Variants in PSD observed in about 807,000 individuals in gnomAD.
PSD encodes PH and SEC7 domain-containing protein 1.
PSD carries 32 observed loss-of-function variants against 91.6 expected under a neutral mutation model. The ratio of observed to expected loss-of-function variants is 0.35; its 90% confidence interval spans 0.26 to 0.47. The LOEUF (loss-of-function observed/expected upper bound fraction) is 0.47. Among genes scored for constraint, PSD ranks in the 20% least tolerant of loss-of-function variants. The probability of loss-of-function intolerance (pLI) is 1.00; values close to 1 mark genes in which losing one functional copy is unlikely to be tolerated. For synonymous variants in PSD, 532 were observed against 569.3 expected, an observed-to-expected ratio of 0.93 and a Z score of 0.93; for missense variants, 1,099 against 1,373.9, an observed-to-expected ratio of 0.80 and a Z score of 3.16.
chr10:102,408,180 G>A (rs1203119222), intron 10 of PSD, among the ~76,000 whole-genome samples: 1 of 152,200 alleles, frequency 6.6e-6, no homozygotes, highest in East Asian at 1.9e-4. Context: ...TGTGCATGTT[G>A]GGCTAAGTGT....
At chr10:102,417,149 TG>T in intron 1 of PSD, 28 bp from the exon 2 acceptor site, 1 of 652,342 alleles carries the variant, frequency 1.5e-6, no homozygotes, top group Non-Finnish European at 2.6e-6. Flanking sequence ...GAGCATGGGG[TG>T]AACTGCCAAG....
At position 102,413,812 on chromosome 10, in the gene PSD, G is replaced by A. The variant is rs1565226253; in HGVS notation, c.1510C>T (p.His504Tyr). The A allele has an allele frequency of 6.2e-7, 1 of 1,614,074 alleles. No homozygotes were observed. The highest frequency in any genetic ancestry group is 2.2e-5 in the East Asian group (1 of 44,872). ...APGREPPSPC[H>Y]SEDSLGLGAA... Reference sequence around the variant, plus strand: ...CCCAGCCCAAGGCTGTCCTCTGAGTGGCAGGGACTAGGGGGCTCCCTCCCT... The same window carrying A: ...CCCAGCCCAAGGCTGTCCTCTGAGTAGCAGGGACTAGGGGGCTCCCTCCCT... Residue 504 changes from histidine to tyrosine, a missense_variant, in exon 5 of 17, where the codon CAC (histidine) becomes TAC (tyrosine). This residue lies in a region of PSD where 631 missense variants were observed against 728.8 expected (regional missense o/e 0.87). Coordinates refer to ENST00000020673, the MANE Select transcript of PSD (RefSeq NM_002779.5).
chr10:102,413,832 C>T lies in PSD; in HGVS notation c.1490G>A (p.Arg497Lys), dbSNP rs1167394568. 1 of 1,614,124 alleles carries T rather than the reference C, an allele frequency of 6.2e-7. No individual in the cohort carries two copies. Among genetic ancestry groups the T allele is most frequent in the South Asian group, 1.1e-5 (1 of 91,082 alleles). The change falls in exon 5 of 17, where the codon AGG becomes AAG. Residue 497 changes from arginine (R) to lysine (K), a missense_variant. By Grantham distance (26) the Arg-to-Lys change is conservative. This residue lies in a region of PSD where 631 missense variants were observed against 728.8 expected (regional missense o/e 0.87). Coordinates refer to ENST00000020673, the MANE Select transcript of PSD (RefSeq NM_002779.5). ...AEARAKLAPG[R>K]EPPSPCHSED... ...TGAGTGGCAGGGACTAGGGGGCTCC[C>T]TCCCTGGGGCCAGCTTGGCTCTGGC...
rs779394652 is a variant in PSD, at chr10:102,404,607, G to A, written c.2676C>T (p.Pro892=). 2.5e-6 allele frequency: 4 copies of A among 1,610,992 alleles called. No individual in the cohort carries two copies. The highest frequency in any genetic ancestry group is 3.4e-6 in the Non-Finnish European group (4 of 1,178,422). Residue 892 remains proline (P), a synonymous_variant, in exon 15 of 17, where the codon CCC becomes CCT. Coordinates refer to ENST00000020673, the MANE Select transcript of PSD (RefSeq NM_002779.5). This position sits in a 1 kb window ranked among gnomAD's most constrained non-coding sequence, Gnocchi z 5.7. ...CCTGGGAGAGGCGGGTGGCAGCGCT[G>A]GGCAGGAGAGGGCGGCTGAACTTCT... ...SQKKFSRPLL[P]SAATRLSQEE...
In PSD at chr10:102,404,981, G is replaced by A; in HGVS notation, c.2472C>T (p.Ala824=). The A allele has an allele frequency of 6.2e-7, 1 of 1,614,080 alleles. No individual in the cohort carries two copies. Among genetic ancestry groups the A allele is most frequent in the Non-Finnish European group, 8.5e-7 (1 of 1,179,972 alleles). The part of the protein sequence containing the change: ...KNAISIHHAL[A]TRASDYSKRP... ...TCTTGCTGTAGTCACTGGCACGAGTGGCCAGGGCATGGTGGATGCTGATGG... is the reference window on the plus strand; with the variant it reads ...TCTTGCTGTAGTCACTGGCACGAGTAGCCAGGGCATGGTGGATGCTGATGG... The change falls in exon 14 of 17, where the codon GCC becomes GCT. Residue 824 remains alanine, a synonymous_variant. Coordinates refer to ENST00000020673, the MANE Select transcript of PSD (RefSeq NM_002779.5). This position sits in a 1 kb window ranked among gnomAD's most constrained non-coding sequence, Gnocchi z 5.7.
rs1182935625 is a variant in PSD, at chr10:102,416,043, T to C, written c.731A>G (p.Tyr244Cys). The change falls in exon 3 of 17, where the codon TAT becomes TGT. Residue 244 changes from tyrosine (Y) to cysteine (C), a missense_variant. This residue lies in a region of PSD where 631 missense variants were observed against 728.8 expected (regional missense o/e 0.87). Transcript: ENST00000020673. This position sits in a 1 kb window ranked among gnomAD's most constrained non-coding sequence, Gnocchi z 6.0. ...TGAGCTGGGGGGGTCCAAGGAGCCA[T>C]AGAAGAATTCCCATTTGGCTCTAGC... ...RIARAKWEFFYGSLDPPSSGA... is the reference protein window; with the variant it reads ...RIARAKWEFFCGSLDPPSSGA... 2.5e-6 allele frequency: 4 copies of C among 1,613,308 alleles called. No homozygotes were observed. Among genetic ancestry groups the C allele is most frequent in the Admixed American group, 1.7e-5 (1 of 59,890 alleles).
Position 102,403,136 on chromosome 10 carries a change from G to A in PSD, c.*64C>T. The stretch of plus-strand genomic sequence containing the variant: ...TCGTGGGTGGCCCGAGGCCGGCCCG[G>A]GCTCAGGCAGGGCCATGTCATCCTT... On this transcript the variant is annotated 3_prime_UTR_variant, in exon 17 of 17. Transcript: ENST00000020673. This position sits in a 1 kb window ranked among gnomAD's most constrained non-coding sequence, Gnocchi z 6.7. 1 of 1,327,212 alleles carries A rather than the reference G, an allele frequency of 7.5e-7. No homozygotes were observed. Among genetic ancestry groups the A allele is most frequent in the South Asian group, 1.6e-5 (1 of 61,680 alleles). The allele number at this position is 1,327,212 out of a possible 1,614,324, so 82.2% of individuals were successfully genotyped here. A position where few individuals can be genotyped will look rare whatever the true frequency, so the allele number is the denominator to read the frequency against.
In PSD at chr10:102,410,229, C is replaced by T. The variant is rs899296902; in HGVS notation, c.2091+629G>A. On this transcript the variant is annotated intron_variant, in intron 10 of 16. Coordinates refer to ENST00000020673, the MANE Select transcript of PSD (RefSeq NM_002779.5). The surrounding 1 kb of genome is among the most constrained non-coding windows in gnomAD (Gnocchi z 6.0). ...AGAGGAGTGAACCCACTGGATGAGC[C>T]ACTCCCTTCTCCTACCGGCACCAGC... 6.6e-6 allele frequency among the ~76,000 whole-genome samples: 1 copy of T among 152,160 alleles called. No homozygotes were observed. Among genetic ancestry groups the T allele is most frequent in the Non-Finnish European group, 1.5e-5 (1 of 68,040 alleles).
chr10:102,409,436 G>A lies in PSD; in HGVS notation c.2091+1422C>T. 2 of 744,182 alleles carry A rather than the reference G, an allele frequency of 2.7e-6. No homozygotes were observed. Among genetic ancestry groups the A allele is most frequent in the Non-Finnish European group, 3.3e-6 (2 of 609,404 alleles). 46.1% of individuals were successfully genotyped at this position (744,182 alleles called of 1,614,324 possible). ...GAGGCCAGCGTGGGTGGCAGCTCCA[G>A]GGAGGCTGAGAGCACCGCTAGGCCT... is the stretch of plus-strand genomic sequence containing the variant. On this transcript the variant is annotated intron_variant, in intron 10 of 16. Coordinates refer to ENST00000020673, the MANE Select transcript of PSD (RefSeq NM_002779.5). This position sits in a 1 kb window ranked among gnomAD's most constrained non-coding sequence, Gnocchi z 5.7.
rs749389261 is a variant in PSD, at chr10:102,405,200, T to A, written c.2380A>T (p.Ile794Phe). The change falls in exon 13 of 17, where the codon ATC (isoleucine) becomes TTC (phenylalanine). Residue 794 changes from isoleucine (I) to phenylalanine (F), a missense_variant. Ile to Phe is a conservative substitution (Grantham distance 21). Transcript: ENST00000020673. This position sits in a 1 kb window ranked among gnomAD's most constrained non-coding sequence, Gnocchi z 5.4. ...CCCCGCACCTTCTGCAGGTAGAGGA[T>A]CATGCCCTTGAGGATCCCGTGGAAG... The part of the protein sequence containing the change: ...KSFHGILKGM[I>F]LYLQKEEYKP... 6.2e-7 allele frequency: 1 copy of A among 1,611,016 alleles called. No individual in the cohort carries two copies.
chr10:102,419,013 C>T, upstream of PSD: 1 of 328,216 alleles, frequency 3.0e-6, no homozygotes, highest in Non-Finnish European at 6.2e-6. This position sits in a 1 kb window ranked among gnomAD's most constrained non-coding sequence, Gnocchi z 4.8. Flanking sequence ...CCCTCACGTG[C>T]CCCACCCCAC....
At chr10:102,411,653 C>A in intron 8 of PSD, 54 bp downstream of exon 8, 4 of 1,366,572 alleles carry the variant, frequency 2.9e-6, no homozygotes, top group Non-Finnish European at 4.1e-6. Context: ...CAGGGCCCAG[C>A]CCATTTTGCC....
chr10:102,412,114 G>T, intron 7 of PSD, 33 bp downstream of exon 7: 1 of 1,602,788 alleles, frequency 6.2e-7, no homozygotes, highest in Non-Finnish European at 8.5e-7. Context: ...ACCCCGGAGA[G>T]TGGGGGCTGT....
At chr10:102,418,879 G>T (rs993505959), upstream of PSD, 5 of 366,634 alleles carry the variant, frequency 1.4e-5, no homozygotes, top group Admixed American at 6.0e-5. Context: ...CTCTCCCAGG[G>T]CCCAGAGCCC....
chr10:102,403,513 C>A lies in PSD; in HGVS notation c.2845-83G>T, dbSNP rs1481721362. On this transcript the variant is annotated intron_variant, in intron 16 of 16. Transcript: ENST00000020673. The surrounding 1 kb of genome is among the most constrained non-coding windows in gnomAD (Gnocchi z 6.7). ...CATCTGGACCAGGGAGGGCCGCCAG[C>A]AGGGCAGAAGATGGCAGGTGCCCAC... 7.4e-7 allele frequency: 1 copy of A among 1,354,560 alleles called. No homozygotes were observed. The highest frequency in any genetic ancestry group is 1.0e-6 in the Non-Finnish European group (1 of 1,001,990). 83.9% of individuals were successfully genotyped at this position (1,354,560 alleles called of 1,614,324 possible). A position where few individuals can be genotyped will look rare whatever the true frequency, so the allele number is the denominator to read the frequency against.
At position 102,404,502 on chromosome 10, in the gene PSD, C is replaced by CA; in HGVS notation, c.2700+80dup. 6.6e-7 allele frequency: 1 copy of CA among 1,505,040 alleles called. No individual in the cohort carries two copies. The highest frequency in any genetic ancestry group is 1.3e-5 in the South Asian group (1 of 78,396). 93.2% of individuals were successfully genotyped at this position (1,505,040 alleles called of 1,614,324 possible). On this transcript the variant is annotated intron_variant, in intron 15 of 16. Coordinates refer to ENST00000020673, the MANE Select transcript of PSD (RefSeq NM_002779.5). This position sits in a 1 kb window ranked among gnomAD's most constrained non-coding sequence, Gnocchi z 5.7. ...GGTGCAGGGGACATCTCCACGATCA[C>CA]ACGCAGCAGCCTTGAGTGCAGTGGG... is the stretch of plus-strand genomic sequence containing the variant.
chr10:102,415,300 A>C, intron 3 of PSD, 71 bp from the exon 4 acceptor site: 1 of 1,483,456 alleles, frequency 6.7e-7, no homozygotes, highest in Non-Finnish European at 9.0e-7. Context: ...CTGCTCTAGG[A>C]TCTCTGCCCA....
chr10:102,408,620 C>T (rs1488111152), intron 10 of PSD, among the ~76,000 whole-genome samples: 2 of 152,236 alleles, frequency 1.3e-5, no homozygotes, highest in African/African-American at 2.4e-5. Context: ...GGACCCCCTT[C>T]GGCCCACCAT....
chr10:102,411,043 C>G lies in PSD; in HGVS notation c.2001+15G>C. ...GGGTTTGTTTTCCGGCTCCTGCCCG[C>G]CCGCCTCCACTCACATGGCCGTGGA... On this transcript the variant is annotated intron_variant, in intron 9 of 16. Transcript: ENST00000020673. 14 of 1,612,928 alleles carry G rather than the reference C, an allele frequency of 8.7e-6. No individual in the cohort carries two copies. The highest frequency in any genetic ancestry group is 1.2e-5 in the Non-Finnish European group (14 of 1,179,062).
Sources: gnomAD v4.1 joint callset for allele counts (sites outside exome capture counted in the v4.1 genomes callset) on GRCh38, gnomAD v4.1.1 for gene constraint, gnomAD v4.1.1 regional missense constraint, Gnocchi (gnomAD v3.1) non-coding constraint, MANE v1.5 for transcripts, NCBI Gene and HGNC (gene_info 2026-07-23, HGNC 2026-07-21) for gene names.